The following KLHL3 variants were observed in gnomAD, a reference collection of about 807,000 sequenced individuals.
KLHL3 encodes the protein kelch-like protein 3.
A neutral mutation model predicts 70.5 loss-of-function variants in KLHL3; 19 were observed. That is an observed-to-expected ratio of 0.27 (90% CI 0.19 to 0.40). KLHL3 has a LOEUF of 0.40. Ranked by LOEUF, KLHL3 falls within the 10% of genes least tolerant of loss-of-function variation. KLHL3 has a pLI of 1.00. For missense variants in KLHL3, 512 were observed against 771.1 expected, an observed-to-expected ratio of 0.66 and a Z score of 3.98; for synonymous variants, 258 against 290.3, an observed-to-expected ratio of 0.89 and a Z score of 1.13.
chr5:137,689,255 C>T (rs940001345), intron 5 of KLHL3, among the ~76,000 whole-genome samples: 1 of 152,242 alleles, frequency 6.6e-6, no homozygotes, highest in Admixed American at 6.5e-5. Flanking sequence ...AATTCAGCTA[C>T]TGTGGAAAAC....
At chr5:137,658,354 G>A in intron 7 of KLHL3, 74 bp from the exon 8 acceptor site, 1 of 1,416,762 alleles carries the variant, frequency 7.1e-7, no homozygotes, top group South Asian at 1.2e-5. Flanking sequence ...CCTGGGCTCA[G>A]TCATTCCTGC....
chr5:137,625,668 C>G, intron 14 of KLHL3, 85 bp downstream of exon 14: 1 of 1,516,882 alleles, frequency 6.6e-7, no homozygotes, highest in Non-Finnish European at 9.0e-7. Context: ...AGCTCACATC[C>G]CCTCATCCCA....
At chr5:137,663,714 G>A (rs1431886546) in intron 6 of KLHL3, among the ~76,000 whole-genome samples, 1 of 152,060 alleles carries the variant, frequency 6.6e-6, no homozygotes, top group Non-Finnish European at 1.5e-5. Context: ...CCTGGATATG[G>A]AACTCACGGA....
At chr5:137,690,904 T>C (rs1325157291) in intron 5 of KLHL3, among the ~76,000 whole-genome samples, 2 of 152,186 alleles carry the variant, frequency 1.3e-5, no homozygotes, top group African/African-American at 2.4e-5. Flanking sequence ...GGAGGTGTTT[T>C]ATTGCAAGGG....
rs1750868754 is a variant in KLHL3, at chr5:137,639,905, G to A, written c.976C>T (p.Arg326Trp). ...SVECYDFEEDRWDQIAELPSR... is the reference protein window; with the variant it reads ...SVECYDFEEDWWDQIAELPSR... ...GGAAGCTCAGCAATCTGATCCCACC[G>A]GTCCTCCTCGAAATCATAGCACTCC... The change falls in exon 9 of 15, where the codon CGG (arginine) becomes TGG (tryptophan). Residue 326 changes from arginine to tryptophan, a missense_variant. Arg to Trp is a moderately radical substitution (Grantham distance 101). Transcript: ENST00000309755. This position sits in a 1 kb window ranked among gnomAD's most constrained non-coding sequence, Gnocchi z 5.0. The A allele has an allele frequency of 9.3e-6, 15 of 1,614,114 alleles. No individual in the cohort carries two copies. Among genetic ancestry groups the A allele is most frequent in the Non-Finnish European group, 1.2e-5 (14 of 1,180,028 alleles).
At chr5:137,699,689 C>A (rs1752526225) in intron 3 of KLHL3, among the ~76,000 whole-genome samples, 2 of 152,144 alleles carry the variant, frequency 1.3e-5, no homozygotes, top group Non-Finnish European at 2.9e-5. Context: ...ACAAGGGCTG[C>A]TGATTTCAGG....
rs114185716 is a variant in KLHL3 at position 137,712,531 on chromosome 5, T to A, written c.135-2675A>T. 2.9e-3 allele frequency among the ~76,000 whole-genome samples: 435 copies of A among 152,296 alleles called. 1 individual carries two copies. The highest frequency in any genetic ancestry group is 0.01 in the African/African-American group (422 of 41,562). ...GGGGTGGGGAAGCCTGTCTGCACAC[T>A]GGAGACATCTTTATGTATCCATGCT... On this transcript the variant is annotated intron_variant, in intron 2 of 14. Transcript: ENST00000309755.
intron 12 of KLHL3, among the ~76,000 whole-genome samples, chr5:137,630,465 C>A (rs1750605832): frequency 1.3e-5 from 2 of 152,172 alleles, no homozygotes; most frequent in South Asian, 2.1e-4. Context: ...TGCCCTCCAA[C>A]TTCGTGCCTG....
At chr5:137,688,551 C>T (rs1037074972) in intron 5 of KLHL3, among the ~76,000 whole-genome samples, 2 of 152,194 alleles carry the variant, frequency 1.3e-5, no homozygotes, top group Non-Finnish European at 2.9e-5. Flanking sequence ...CAGGAACATG[C>T]TTTCAATGGA....
intron 3 of KLHL3, among the ~76,000 whole-genome samples, chr5:137,704,734 C>T (rs1159444840): frequency 1.3e-5 from 2 of 152,184 alleles, no homozygotes; most frequent in Non-Finnish European, 2.9e-5. Flanking sequence ...CTCTGTTGAA[C>T]CACAAGCCAA....
intron 4 of KLHL3, among the ~76,000 whole-genome samples, chr5:137,696,179 C>G (rs927476328): frequency 6.6e-6 from 1 of 152,228 alleles, no homozygotes; most frequent in African/African-American, 2.4e-5. Context: ...CCTCAGAAAG[C>G]ACCTTCTCCT....
intron 13 of KLHL3, among the ~76,000 whole-genome samples, chr5:137,626,890 C>T (rs1246644354): frequency 6.6e-6 from 1 of 151,992 alleles, no homozygotes; most frequent in African/African-American, 2.4e-5. Context: ...TGTGGTCCCA[C>T]CTACTCAGGA....
At chr5:137,670,428 A>C (rs1013967462) in intron 6 of KLHL3, among the ~76,000 whole-genome samples, 1 of 151,666 alleles carries the variant, frequency 6.6e-6, no homozygotes, top group African/African-American at 2.4e-5. Context: ...GGTGGCTTAA[A>C]GACTCTACTC....
At chr5:137,682,703 A>G (rs1157582684) in intron 5 of KLHL3, among the ~76,000 whole-genome samples, 2 of 152,166 alleles carry the variant, frequency 1.3e-5, no homozygotes, top group East Asian at 1.9e-4. Context: ...TTTCTATTCT[A>G]TTCGGACTGG....
At chr5:137,699,814 T>C (rs1427403572) in intron 3 of KLHL3, among the ~76,000 whole-genome samples, 3 of 152,112 alleles carry the variant, frequency 2.0e-5, no homozygotes, top group Non-Finnish European at 4.4e-5. Flanking sequence ...GCAGTTGTTT[T>C]CTCTCTGTGG....
intron 4 of KLHL3, among the ~76,000 whole-genome samples, chr5:137,693,698 T>C (rs947171320): frequency 2.0e-5 from 3 of 152,142 alleles, no homozygotes; most frequent in African/African-American, 7.2e-5. Context: ...CACCCCAAAA[T>C]AATCCCCTTG....
At chr5:137,690,948 A>T (rs1752306395) in intron 5 of KLHL3, among the ~76,000 whole-genome samples, 1 of 152,166 alleles carries the variant, frequency 6.6e-6, no homozygotes, top group South Asian at 2.1e-4. Context: ...TATCAAGTTA[A>T]ATGATCAGAC....
intron 8 of KLHL3, among the ~76,000 whole-genome samples, chr5:137,652,214 G>A (rs1349161223): frequency 1.3e-5 from 2 of 152,078 alleles, no homozygotes; most frequent in African/African-American, 2.4e-5. Context: ...AAAAACTTAT[G>A]CACTTCCAAA....
chr5:137,637,488 T>C (rs1750797691), intron 10 of KLHL3, 93 bp from the exon 11 acceptor site: 1 of 1,095,346 alleles, frequency 9.1e-7, no homozygotes, highest in Non-Finnish European at 1.4e-6. Context: ...TCCAAATGCA[T>C]GGGCTGGAAA....
Sources: gnomAD v4.1 joint callset for allele counts (sites outside exome capture counted in the v4.1 genomes callset) on GRCh38, gnomAD v4.1.1 for gene constraint, Gnocchi (gnomAD v3.1) non-coding constraint, MANE v1.5 for transcripts, NCBI Gene and HGNC (gene_info 2026-07-23, HGNC 2026-07-21) for gene names.